PANK2: variants seen among roughly 807,000 people sequenced by gnomAD.
PANK2 encodes the protein pantothenate kinase 2, also known as pantothenate kinase 2, mitochondrial.
In PANK2, 36 loss-of-function variants were observed where a neutral mutation model predicts 43.1. That is an observed-to-expected ratio of 0.84 (90% CI 0.64 to 1.10). PANK2 has a LOEUF of 1.10. Ranked by LOEUF, PANK2 falls within the 50% of genes least tolerant of loss-of-function variation. The pLI, the probability that PANK2 is intolerant of heterozygous loss-of-function variation, is 0.00. For missense variants in PANK2, 576 were observed against 593.3 expected (o/e 0.97, Z 0.30); for synonymous variants, 281 against 238.2 (o/e 1.18, Z -1.66).
intron 6 of PANK2, among the ~76,000 whole-genome samples, chr20:3,920,706 G>T (rs138801194): frequency 1.3e-5 from 2 of 151,932 alleles, no homozygotes; most frequent in Non-Finnish European, 2.9e-5. Flanking sequence ...TTAGCTGGAC[G>T]TGGTGGCACA....
chr20:3,923,971 C>G lies in PANK2; in HGVS notation c.*677C>G, dbSNP rs1269772098. The stretch of plus-strand genomic sequence containing the variant: ...GACTGTTCTGATGCAAGTGGGTACA[C>G]TGGCAGAAGCAGCACAATCTGGAGG... On this transcript the variant is annotated 3_prime_UTR_variant, in exon 7 of 7. Coordinates refer to ENST00000610179, the MANE Select transcript of PANK2 (RefSeq NM_001386393.1). 1 of 152,882 alleles carries G rather than the reference C, an allele frequency of 6.5e-6. No individual in the cohort carries two copies. Among genetic ancestry groups the G allele is most frequent in the African/African-American group, 2.4e-5 (1 of 41,460 alleles). 9.5% of individuals were successfully genotyped at this position (152,882 alleles called of 1,614,324 possible).
chr20:3,896,704 G>A (rs2090215240), intron 1 of PANK2, among the ~76,000 whole-genome samples: 1 of 152,152 alleles, frequency 6.6e-6, no homozygotes, highest in Non-Finnish European at 1.5e-5. Flanking sequence ...GGAGGACAGG[G>A]TTTGGAGAGC....
At chr20:3,892,958 C>T (rs1367341011) in intron 1 of PANK2, among the ~76,000 whole-genome samples, 2 of 152,072 alleles carry the variant, frequency 1.3e-5, no homozygotes, top group African/African-American at 4.8e-5. Context: ...GGGGGTATGT[C>T]TCGCAGGGCT....
intron 6 of PANK2, among the ~76,000 whole-genome samples, chr20:3,920,025 G>A (rs933147466): frequency 6.6e-6 from 1 of 152,092 alleles, no homozygotes; most frequent in Admixed American, 6.5e-5. Context: ...TTGTAAACCA[G>A]CACCGAATTG....
upstream of PANK2, chr20:3,888,953 C>T (rs975893047): frequency 2.0e-4 from 114 of 570,644 alleles, no homozygotes; most frequent in South Asian, 6.7e-4. Flanking sequence ...AGCGGCCAGA[C>T]GCTGCGGGAG....
chr20:3,914,016 G>A (rs111470119), intron 4 of PANK2, among the ~76,000 whole-genome samples: 1 of 150,978 alleles, frequency 6.6e-6, no homozygotes, highest in Admixed American at 6.6e-5. Context: ...GTCTCGATCT[G>A]CTGACCTCAT....
intron 1 of PANK2, among the ~76,000 whole-genome samples, chr20:3,905,464 A>G (rs1455510638): frequency 1.3e-5 from 2 of 148,954 alleles, no homozygotes; most frequent in African/African-American, 2.5e-5. Flanking sequence ...CTCCTGCCTC[A>G]GCCTGCTGAG....
At chr20:3,898,851 A>G (rs1243712823) in intron 1 of PANK2, among the ~76,000 whole-genome samples, 1 of 150,872 alleles carries the variant, frequency 6.6e-6, no homozygotes, top group Non-Finnish European at 1.5e-5. Context: ...GTTTTGGGAA[A>G]CAGTCTTGCT....
chr20:3,901,820 G>A (rs778420187), intron 1 of PANK2, among the ~76,000 whole-genome samples: 3 of 152,030 alleles, frequency 2.0e-5, no homozygotes, highest in Middle Eastern at 3.4e-3. Flanking sequence ...TTGCACTCCC[G>A]CTTGAAAGCT....
chr20:3,915,192 CTAAGATCATGAAGAATTGCCTAATT>C (rs2090538239), intron 4 of PANK2, among the ~76,000 whole-genome samples: 1 of 151,794 alleles, frequency 6.6e-6, no homozygotes, highest in African/African-American at 2.4e-5. Context: ...TGTAAGAAAT[CTAAGATCATGAAGAATTGCCTAATT>C]TAAGATCATG....
intron 5 of PANK2, among the ~76,000 whole-genome samples, chr20:3,917,912 A>G (rs2090587830): frequency 1.3e-5 from 2 of 152,232 alleles, no homozygotes; most frequent in South Asian, 4.1e-4. Context: ...ATACTTAAAT[A>G]TACATTTCAT....
At chr20:3,909,787 T>A (rs928941455) in intron 2 of PANK2, among the ~76,000 whole-genome samples, 2 of 151,666 alleles carry the variant, frequency 1.3e-5, no homozygotes, top group Non-Finnish European at 2.9e-5. Flanking sequence ...AGAGACTGGG[T>A]TTCACCATGT....
At position 3,929,752 on chromosome 20, in the gene PANK2, A is replaced by AAGTC. The variant is rs1467201284; in HGVS notation, c.*6460_*6463dup. On this transcript the variant is annotated 3_prime_UTR_variant, in exon 7 of 7. Transcript: ENST00000610179. ...TCTTGAGCATCCTGTCGCAGATAGAAAGTCAATCAGAAAAATCTGGTTGTG... is the reference window on the plus strand; with the variant it reads ...TCTTGAGCATCCTGTCGCAGATAGAAAGTCAGTCAATCAGAAAAATCTGGTTGTG... 6.6e-6 allele frequency: 1 copy of AAGTC among 150,814 alleles called. No individual in the cohort carries two copies. Among genetic ancestry groups the AAGTC allele is most frequent in the African/African-American group, 2.4e-5 (1 of 41,326 alleles). The allele number at this position is 150,814 out of a possible 1,614,324, so 9.3% of individuals were successfully genotyped here.
intron 4 of PANK2, among the ~76,000 whole-genome samples, chr20:3,912,930 C>CAAAAAAAA (rs71331078): frequency 1.4e-5 from 1 of 71,490 alleles, no homozygotes; most frequent in Admixed American, 2.1e-4. Flanking sequence ...GACTCTGTCT[C>CAAAAAAAA]AAAAAAAAAA....
Position 3,923,662 on chromosome 20 carries a change from G to T in PANK2, c.*368G>T. 3.0e-6 allele frequency: 1 copy of T among 337,582 alleles called. No individual in the cohort carries two copies. Among genetic ancestry groups the T allele is most frequent in the Non-Finnish European group, 5.6e-6 (1 of 179,462 alleles). 20.9% of individuals were successfully genotyped at this position (337,582 alleles called of 1,614,324 possible). On this transcript the variant is annotated 3_prime_UTR_variant, in exon 7 of 7. Transcript: ENST00000610179. Reference sequence around the variant, plus strand: ...TCCTGTTTGAACTTGCTGAATGTAAGGCAGGCTACTATGCGTTATAATCTA... The same window carrying T: ...TCCTGTTTGAACTTGCTGAATGTAATGCAGGCTACTATGCGTTATAATCTA...
rs2090416354 is a variant in PANK2 at position 3,908,128 on chromosome 20, A to G, written c.501A>G (p.Gly167=). The G allele has an allele frequency of 1.9e-6, 3 of 1,614,168 alleles. No individual in the cohort carries two copies. Among genetic ancestry groups the G allele is most frequent in the Non-Finnish European group, 1.7e-6 (2 of 1,180,002 alleles). ...AGCTGAAGGACCTGACTCTGTGTGGACGCAAAGGCAATCTGCACTTTATAC... is the reference window on the plus strand; with the variant it reads ...AGCTGAAGGACCTGACTCTGTGTGGGCGCAAAGGCAATCTGCACTTTATAC... Residue 167 remains glycine (G), a synonymous_variant, in exon 2 of 7, where the codon GGA becomes GGG. Coordinates refer to ENST00000610179, the MANE Select transcript of PANK2 (RefSeq NM_001386393.1).
intron 3 of PANK2, among the ~76,000 whole-genome samples, chr20:3,911,823 A>C (rs369809018): frequency 6.6e-6 from 1 of 152,072 alleles, no homozygotes; most frequent in South Asian, 2.1e-4. Flanking sequence ...CCAGGAGGCA[A>C]AGGTTGCGGT....
At position 3,889,563 on chromosome 20, in the gene PANK2, C is replaced by CAGGCGG; in HGVS notation, c.133_134insAGGCGG (p.Pro45delinsGlnAlaAla). On this transcript the variant is annotated protein_altering_variant, in exon 1 of 7. Coordinates refer to ENST00000610179, the MANE Select transcript of PANK2 (RefSeq NM_001386393.1). The stretch of plus-strand genomic sequence containing the variant: ...GGCTGGGGAGCAGGCGGCCGGGGAC[C>CAGGCGG]CCGAAGGGCGGCGGCAGGAGCCACT... 9 of 1,440,364 alleles carry CAGGCGG rather than the reference C, an allele frequency of 6.2e-6. No homozygotes were observed. The highest frequency in any genetic ancestry group is 8.1e-6 in the Non-Finnish European group (9 of 1,107,090). 89.2% of individuals were successfully genotyped at this position (1,440,364 alleles called of 1,614,324 possible).
At chr20:3,914,221 T>C (rs1334310307) in intron 4 of PANK2, among the ~76,000 whole-genome samples, 2 of 152,116 alleles carry the variant, frequency 1.3e-5, no homozygotes, top group African/African-American at 4.8e-5. Context: ...TTTACAATCT[T>C]AGCAGTTTAT....
Sources: allele counts gnomAD v4.1 joint callset (sites outside exome capture counted in the v4.1 genomes callset), GRCh38; gene constraint gnomAD v4.1.1; transcripts MANE v1.5; gene names NCBI Gene and HGNC (gene_info 2026-07-23, HGNC 2026-07-21).